HAS2: variants seen among roughly 807,000 people sequenced by gnomAD.
HAS2 encodes the protein hyaluronan synthase 2.
In HAS2, 16 loss-of-function variants were observed where a neutral mutation model predicts 51.6. That is an observed-to-expected ratio of 0.31 (90% CI 0.21 to 0.47). The LOEUF is 0.47. HAS2 is among the 20% of genes least tolerant of loss of function. HAS2 has a pLI of 1.00. For missense variants in HAS2, 361 were observed against 662.6 expected, an observed-to-expected ratio of 0.54 and a Z score of 5.00; for synonymous variants, 228 against 235.5, an observed-to-expected ratio of 0.97 and a Z score of 0.29.
chr8:121,614,050 T>G lies in HAS2; in HGVS notation c.*59A>C, dbSNP rs1812670109. On this transcript the variant is annotated 3_prime_UTR_variant, in exon 4 of 4. Transcript: ENST00000303924. The surrounding 1 kb of genome is among the most constrained non-coding windows in gnomAD (Gnocchi z 7.2). ...GGCATTATCTGATGCCACAATACTG[T>G]ACAGCCCCTAGAGGAACTAAGGTGT... 4 of 1,611,862 alleles carry G rather than the reference T, an allele frequency of 2.5e-6. No individual in the cohort carries two copies. The highest frequency in any genetic ancestry group is 2.5e-6 in the Non-Finnish European group (3 of 1,179,770).
intron 2 of HAS2, among the ~76,000 whole-genome samples, chr8:121,623,574 T>A (rs1164672081): frequency 6.6e-6 from 1 of 152,200 alleles, no homozygotes; most frequent in African/African-American, 2.4e-5. Flanking sequence ...TTTCTTTTGA[T>A]CTTGCTCTAG....
At chr8:121,628,352 A>C (rs1054362549) in intron 2 of HAS2, among the ~76,000 whole-genome samples, 2 of 152,066 alleles carry the variant, frequency 1.3e-5, no homozygotes, top group African/African-American at 2.4e-5. Flanking sequence ...CTATTTTCTT[A>C]CAAAGCTGGA....
chr8:121,617,373 C>T (rs1159325928), intron 2 of HAS2, among the ~76,000 whole-genome samples, 167 bp from the exon 3 acceptor site: 2 of 152,108 alleles, frequency 1.3e-5, no homozygotes, highest in African/African-American at 4.8e-5. Flanking sequence ...ATGGCCAATA[C>T]AAAGAGCCTA....
chr8:121,619,163 C>G (rs1427824494), intron 2 of HAS2, among the ~76,000 whole-genome samples: 1 of 151,014 alleles, frequency 6.6e-6, no homozygotes, highest in Non-Finnish European at 1.5e-5. Flanking sequence ...ATTGTTTGAG[C>G]CCAGGAGTTT....
At chr8:121,616,410 C>T (rs1812701675) in intron 3 of HAS2, among the ~76,000 whole-genome samples, 1 of 151,128 alleles carries the variant, frequency 6.6e-6, no homozygotes, top group South Asian at 2.1e-4. Context: ...AATTTCTTAC[C>T]ATACTTCTAT....
At chr8:121,640,321 C>T (rs1249087826) in intron 1 of HAS2, among the ~76,000 whole-genome samples, 1 of 152,118 alleles carries the variant, frequency 6.6e-6, no homozygotes, top group Non-Finnish European at 1.5e-5. Context: ...CTTGTCGGAG[C>T]TGGAAGCCCA....
rs71573616 is a variant in HAS2, at chr8:121,641,158, C to CTTTTTTTTTTTT, written c.-318_-307dup. The CTTTTTTTTTTTT allele has an allele frequency of 1.3e-3, 72 of 57,018 alleles. No individual in the cohort carries two copies. Among genetic ancestry groups the CTTTTTTTTTTTT allele is most frequent in the Non-Finnish European group, 1.2e-3 (38 of 30,854 alleles). 3.5% of individuals were successfully genotyped at this position (57,018 alleles called of 1,614,324 possible). A position where few individuals can be genotyped will look rare whatever the true frequency, so the allele number is the denominator to read the frequency against. ...TAACTTTTCTTTTTTCTTTTCTTTT[C>CTTTTTTTTTTTT]TTTTTTTTTTTTTTTTTTTTTTGGG... On this transcript the variant is annotated 5_prime_UTR_variant, in exon 1 of 4. Transcript: ENST00000303924.
chr8:121,627,780 G>C (rs531990515), intron 2 of HAS2, among the ~76,000 whole-genome samples: 5 of 152,040 alleles, frequency 3.3e-5, no homozygotes, highest in Non-Finnish European at 4.4e-5. Flanking sequence ...CTAAAGAATA[G>C]GATGCATCTT....
rs375569017 is a variant in HAS2, at chr8:121,619,861, C to T, written c.628-2655G>A. Among the ~76,000 whole-genome samples the T allele has an allele frequency of 4.6e-5, 7 of 152,238 alleles. No homozygotes were observed. The South Asian group carries it at 8.3e-4, about 18-fold the overall frequency. The stretch of plus-strand genomic sequence containing the variant: ...AAGGTAAAACCAGGCTAAAATAAGA[C>T]TAAAAACAACAGGAAGAGGGCAATC... On this transcript the variant is annotated intron_variant, in intron 2 of 3. Coordinates refer to ENST00000303924, the MANE Select transcript of HAS2 (RefSeq NM_005328.3).
rs890274694 is a variant in HAS2, at chr8:121,629,429, G to C, written c.1-89C>G. Reference sequence around the variant, plus strand: ...GTATCATGGGGAGAGTATTGGACTAGAAGCATTCAGGAGTTTTAACACTCA... The same window carrying C: ...GTATCATGGGGAGAGTATTGGACTACAAGCATTCAGGAGTTTTAACACTCA... On this transcript the variant is annotated intron_variant, in intron 1 of 3. Transcript: ENST00000303924. 9.6e-6 allele frequency: 10 copies of C among 1,043,562 alleles called. No individual in the cohort carries two copies. In the Admixed American group the frequency reaches 1.4e-4, roughly 14 times the overall value. The allele number at this position is 1,043,562 out of a possible 1,614,324, so 64.6% of individuals were successfully genotyped here. A position where few individuals can be genotyped will look rare whatever the true frequency, so the allele number is the denominator to read the frequency against.
At chr8:121,636,403 C>T (rs1007519435) in intron 1 of HAS2, among the ~76,000 whole-genome samples, 2 of 152,120 alleles carry the variant, frequency 1.3e-5, no homozygotes, top group African/African-American at 4.8e-5. Context: ...CCCTTCTCCC[C>T]TTCTGACCTT....
intron 1 of HAS2, among the ~76,000 whole-genome samples, chr8:121,632,591 T>C (rs1812948534): frequency 6.6e-6 from 1 of 152,200 alleles, no homozygotes; most frequent in Non-Finnish European, 1.5e-5. Context: ...TGCTATACTA[T>C]AATGTATATC....
intron 1 of HAS2, among the ~76,000 whole-genome samples, chr8:121,632,276 T>G (rs1812941155): frequency 6.6e-6 from 1 of 152,190 alleles, no homozygotes; most frequent in African/African-American, 2.4e-5. Flanking sequence ...TGCATTGATA[T>G]GGGCACCATG....
chr8:121,628,256 C>T (rs1260923832), intron 2 of HAS2, among the ~76,000 whole-genome samples: 1 of 151,518 alleles, frequency 6.6e-6, no homozygotes, highest in African/African-American at 2.4e-5. Context: ...CCTCATTTTG[C>T]CTCATTTTGC....
rs770014495 is a variant in HAS2 at position 121,614,014 on chromosome 8, TC to T, written c.*94del. 16 of 1,595,982 alleles carry T rather than the reference TC, an allele frequency of 1.0e-5. No homozygotes were observed. The highest frequency in any genetic ancestry group is 1.4e-5 in the Non-Finnish European group (16 of 1,170,982). On this transcript the variant is annotated 3_prime_UTR_variant, in exon 4 of 4. Transcript: ENST00000303924. The surrounding 1 kb of genome is among the most constrained non-coding windows in gnomAD (Gnocchi z 7.2). ...TTCAAGTCCCAGCAGCAGTGATATGTCTCCTTTGGTGGCATTATCTGATGCC... is the reference window on the plus strand; with the variant it reads ...TTCAAGTCCCAGCAGCAGTGATATGTTCCTTTGGTGGCATTATCTGATGCC...
chr8:121,615,136 AT>A, intron 3 of HAS2, 98 bp from the exon 4 acceptor site: 1 of 764,334 alleles, frequency 1.3e-6, no homozygotes, highest in African/African-American at 1.8e-5. Flanking sequence ...AATATTTGTT[AT>A]TTTATCCTCC....
intron 2 of HAS2, among the ~76,000 whole-genome samples, chr8:121,623,211 A>G (rs560055592): frequency 4.2e-4 from 64 of 152,268 alleles, no homozygotes; most frequent in African/African-American, 1.3e-3. Context: ...CTGCCTTCAG[A>G]CAGCCAATCT....
chr8:121,625,922 C>CA (rs1223619758), intron 2 of HAS2, among the ~76,000 whole-genome samples: 1 of 152,082 alleles, frequency 6.6e-6, no homozygotes, highest in African/African-American at 2.4e-5. Context: ...TTTGCTACCA[C>CA]ACTGGGTTTC....
rs866687514 is a variant in HAS2, at chr8:121,641,258, T to G, written c.-406A>C. On this transcript the variant is annotated 5_prime_UTR_variant, in exon 1 of 4. Transcript: ENST00000303924. ...AAAAAAAAAAAAAAAAAAAAAAGCC[T>G]GTGGAAGACTCAGCAGAACCCAGGA... The G allele has an allele frequency of 8.6e-6, 1 of 116,904 alleles. No individual in the cohort carries two copies. Among genetic ancestry groups the G allele is most frequent in the Non-Finnish European group, 1.7e-5 (1 of 60,248 alleles). 7.2% of individuals were successfully genotyped at this position (116,904 alleles called of 1,614,324 possible). A position where few individuals can be genotyped will look rare whatever the true frequency, so the allele number is the denominator to read the frequency against.
Sources: allele counts gnomAD v4.1 joint callset (sites outside exome capture counted in the v4.1 genomes callset), GRCh38; gene constraint gnomAD v4.1.1; non-coding constraint Gnocchi (gnomAD v3.1); transcripts MANE v1.5; gene names NCBI Gene and HGNC (gene_info 2026-07-23, HGNC 2026-07-21).